The following PEX11A variants were observed in gnomAD, a reference collection of about 807,000 sequenced individuals.
PEX11A encodes peroxisomal membrane protein 11A.
In PEX11A, 13 loss-of-function variants were observed where a neutral mutation model predicts 14.4. That is an observed-to-expected ratio of 0.90 (90% CI 0.59 to 1.43). PEX11A has a LOEUF of 1.43. Ranked by LOEUF, PEX11A falls within the 40% of genes most tolerant of loss-of-function variation. PEX11A has a pLI of 0.00. For synonymous variants in PEX11A, 101 were observed against 113.0 expected (o/e 0.89, Z 0.67); for missense variants, 290 against 302.8 (o/e 0.96, Z 0.31).
chr15:89,683,106 A>G lies in PEX11A; in HGVS notation c.*271T>C. On this transcript the variant is annotated 3_prime_UTR_variant, in exon 3 of 3. Transcript: ENST00000300056. ...TTCATTCAGCAAATACTAAGCTCCC[A>G]CTATGCACATAAGAGATGTTCAATC... 1 of 422,100 alleles carries G rather than the reference A, an allele frequency of 2.4e-6. No homozygotes were observed. The highest frequency in any genetic ancestry group is 4.0e-5 in the Admixed American group (1 of 25,034). 26.1% of individuals were successfully genotyped at this position (422,100 alleles called of 1,614,324 possible).
At chr15:89,687,595 G>C (rs1334894989) in intron 1 of PEX11A, among the ~76,000 whole-genome samples, 1 of 152,098 alleles carries the variant, frequency 6.6e-6, no homozygotes, top group East Asian at 1.9e-4. Flanking sequence ...TAATAAAGTA[G>C]GTGCCTGGTT....
chr15:89,683,575 A>T lies in PEX11A; in HGVS notation c.546T>A (p.Leu182=). 1 of 1,614,174 alleles carries T rather than the reference A, an allele frequency of 6.2e-7. No individual in the cohort carries two copies. The highest frequency in any genetic ancestry group is 8.5e-7 in the Non-Finnish European group (1 of 1,180,020). ...GCTGCTTCAGAGATCGGAATAAAAG[A>T]AGTAGAAAGGATTGGAGCCATTCTG... ...EETEWLQSFL[L]LLFRSLKQHP... Residue 182 remains leucine (L), a synonymous_variant, in exon 3 of 3, where the codon CTT becomes CTA. Transcript: ENST00000300056.
intron 1 of PEX11A, among the ~76,000 whole-genome samples, chr15:89,689,478 C>T (rs180784498): frequency 1.1e-4 from 17 of 152,328 alleles, no homozygotes; most frequent in Admixed American, 1.0e-3. Flanking sequence ...TTAAATAAAA[C>T]TGCAACTGTA....
chr15:89,687,984 TG>T (rs1353375531), intron 1 of PEX11A: 4 of 553,072 alleles, frequency 7.2e-6, no homozygotes, highest in Non-Finnish European at 1.4e-5. Context: ...CAGTTCAAAA[TG>T]CTGGCATCTT....
rs755375041 is a variant in PEX11A at position 89,683,782 on chromosome 15, G to A, written c.339C>T (p.Gly113=). 1.2e-5 allele frequency: 19 copies of A among 1,614,044 alleles called. No homozygotes were observed. The highest frequency in any genetic ancestry group is 1.6e-5 in the Non-Finnish European group (19 of 1,180,014). Reference sequence around the variant, plus strand: ...TCGTTCGCCATTTCTCTTTGTTGATGCCAGAGGTGAGACCTACGCTCCTCA... The same window carrying A: ...TCGTTCGCCATTTCTCTTTGTTGATACCAGAGGTGAGACCTACGCTCCTCA... ...LWVRSVGLTS[G]INKEKWRTRA... Residue 113 remains glycine (G), a synonymous_variant, in exon 3 of 3, where the codon GGC becomes GGT. Coordinates refer to ENST00000300056, the MANE Select transcript of PEX11A (RefSeq NM_003847.3).
rs1400930573 is a variant in PEX11A, at chr15:89,689,179, T to C, written c.56+1398A>G. On this transcript the variant is annotated intron_variant, in intron 1 of 2. Transcript: ENST00000300056. ...AAACTAATGAGAAAGCCAGTATAGC[T>C]TGGTAGTTAAGTGGGCACTGGAGTC... Among the ~76,000 whole-genome samples the C allele has an allele frequency of 3.9e-5, 6 of 152,182 alleles. No homozygotes were observed. In the East Asian group the frequency reaches 9.6e-4, roughly 24 times the overall value.
At chr15:89,687,683 T>C (rs1178801950) in intron 1 of PEX11A, among the ~76,000 whole-genome samples, 2 of 152,162 alleles carry the variant, frequency 1.3e-5, no homozygotes, top group African/African-American at 2.4e-5. Flanking sequence ...ACATTTTCAT[T>C]TTCTAAAATA....
intron 2 of PEX11A, among the ~76,000 whole-genome samples, chr15:89,685,347 A>G (rs1174181863): frequency 6.6e-6 from 1 of 151,988 alleles, no homozygotes; most frequent in Non-Finnish European, 1.5e-5. Flanking sequence ...TGGCTGAATG[A>G]CCCTGGATAA....
chr15:89,681,618 T>G lies in PEX11A; in HGVS notation c.*1759A>C, dbSNP rs1028002599. ...AAAAATAGTTATTTAAGCTTTTTAT[T>G]TTCCCTGACCTAGTAGCTTTCATGT... On this transcript the variant is annotated 3_prime_UTR_variant, in exon 3 of 3. Coordinates refer to ENST00000300056, the MANE Select transcript of PEX11A (RefSeq NM_003847.3). 4.5e-6 allele frequency: 3 copies of G among 659,404 alleles called. No homozygotes were observed. The highest frequency in any genetic ancestry group is 8.2e-6 in the Non-Finnish European group (3 of 364,042). 40.8% of individuals were successfully genotyped at this position (659,404 alleles called of 1,614,324 possible).
At chr15:89,688,122 T>G in intron 1 of PEX11A, 1 of 537,124 alleles carries the variant, frequency 1.9e-6, no homozygotes, top group South Asian at 1.4e-5. Flanking sequence ...CCACTCTGCT[T>G]CCTGTCATAA....
rs1964639651 is a variant in PEX11A at position 89,683,935 on chromosome 15, G to A, written c.186C>T (p.Gly62=). Residue 62 remains glycine, a synonymous_variant, in exon 3 of 3, where the codon GGC becomes GGT. Transcript: ENST00000300056. ...TTGCCTGTATAGCATGTACCACATT[G>A]CCTAGTCTGAACCCTGCAAGTAGAA... The part of the protein sequence containing the change: ...VSTGRKWFRL[G]NVVHAIQATE... 1 of 1,610,818 alleles carries A rather than the reference G, an allele frequency of 6.2e-7. No individual in the cohort carries two copies. Among genetic ancestry groups the A allele is most frequent in the South Asian group, 1.1e-5 (1 of 90,722 alleles).
intron 1 of PEX11A, among the ~76,000 whole-genome samples, chr15:89,689,141 TA>T (rs1262664901): frequency 6.6e-6 from 1 of 152,214 alleles, no homozygotes; most frequent in South Asian, 2.1e-4. Flanking sequence ...AGTAACCATT[TA>T]AAAAACCTAT....
Position 89,683,884 on chromosome 15 carries a change from G to T in PEX11A, c.237C>A (p.Asp79Glu), listed in dbSNP as rs1333241002. ...QATEQSIHATDLVPRLCLTLA... is the reference protein window; with the variant it reads ...QATEQSIHATELVPRLCLTLA... ...ATGTTAAGCATAAGCGAGGTACCAG[G>T]TCAGTGGCATGAATGCTCTGCTCAG... Residue 79 changes from aspartate (D) to glutamate (E), a missense_variant, in exon 3 of 3, where the codon GAC (aspartate) becomes GAA (glutamate). Transcript: ENST00000300056. The T allele has an allele frequency of 5.6e-6, 9 of 1,613,982 alleles. No individual in the cohort carries two copies. Among genetic ancestry groups the T allele is most frequent in the African/African-American group, 1.3e-5 (1 of 74,930 alleles).
intron 1 of PEX11A, among the ~76,000 whole-genome samples, chr15:89,689,659 G>A (rs1207035511): frequency 6.6e-6 from 1 of 152,170 alleles, no homozygotes; most frequent in Admixed American, 6.5e-5. Flanking sequence ...GAACCTTAGA[G>A]GTGCAGTTAG....
At chr15:89,683,987 T>C in intron 2 of PEX11A, 39 bp from the exon 3 acceptor site, 1 of 1,387,622 alleles carries the variant, frequency 7.2e-7, no homozygotes. Context: ...GTTATTTCAT[T>C]AGTACACAAC....
At chr15:89,684,629 TG>T (rs1453425020) in intron 2 of PEX11A, among the ~76,000 whole-genome samples, 7 of 152,192 alleles carry the variant, frequency 4.6e-5, no homozygotes, top group African/African-American at 1.7e-4. Flanking sequence ...AAAGTAGAAA[TG>T]GTAGAATTTA....
rs1964604218 is a variant in PEX11A, at chr15:89,681,790, C to T, written c.*1587G>A. On this transcript the variant is annotated 3_prime_UTR_variant, in exon 3 of 3. Coordinates refer to ENST00000300056, the MANE Select transcript of PEX11A (RefSeq NM_003847.3). ...TGAGTACATATTTATTTTCTCATTT[C>T]CATTCAGATAAATGACACAGCTTTG... 3 of 376,366 alleles carry T rather than the reference C, an allele frequency of 8.0e-6. No homozygotes were observed. Among genetic ancestry groups the T allele is most frequent in the African/African-American group, 6.2e-5 (3 of 48,262 alleles). 23.3% of individuals were successfully genotyped at this position (376,366 alleles called of 1,614,324 possible). A position where few individuals can be genotyped will look rare whatever the true frequency, so the allele number is the denominator to read the frequency against.
intron 1 of PEX11A, among the ~76,000 whole-genome samples, chr15:89,689,553 G>T (rs1046207819): frequency 3.9e-5 from 6 of 152,112 alleles, no homozygotes; most frequent in African/African-American, 1.2e-4. Context: ...TACTGTATTC[G>T]TATTAAAGAT....
Position 89,683,427 on chromosome 15 carries a change from C to T in PEX11A, c.694G>A (p.Ala232Thr). ...GGATATGCCACAGTGATCATGCCTGCTATAGAGGACACAAGACCTCCAAGT... is the reference window on the plus strand; with the variant it reads ...GGATATGCCACAGTGATCATGCCTGTTATAGAGGACACAAGACCTCCAAGT... The part of the protein sequence containing the change: ...IGLGGLVSSI[A>T]GMITVAYPQM... Residue 232 changes from alanine (A) to threonine (T), a missense_variant, in exon 3 of 3, where the codon GCA becomes ACA. By Grantham distance (58) the Ala-to-Thr change is moderately conservative (BLOSUM62 0). Coordinates refer to ENST00000300056, the MANE Select transcript of PEX11A (RefSeq NM_003847.3). The T allele has an allele frequency of 6.2e-7, 1 of 1,614,066 alleles. No homozygotes were observed. Among genetic ancestry groups the T allele is most frequent in the East Asian group, 2.2e-5 (1 of 44,890 alleles).
Sources: allele counts gnomAD v4.1 joint callset (sites outside exome capture counted in the v4.1 genomes callset), GRCh38; gene constraint gnomAD v4.1.1; transcripts MANE v1.5; gene names NCBI Gene and HGNC (gene_info 2026-07-23, HGNC 2026-07-21).